PRKRIP1: variants seen among roughly 807,000 people sequenced by gnomAD.
PRKRIP1 encodes the protein PRKR interacting protein 1, also known as PRKR-interacting protein 1.
Under a neutral mutation model 29.3 loss-of-function variants are expected in PRKRIP1, and 29 were observed. That is an observed-to-expected ratio of 0.99 (90% CI 0.74 to 1.35). The LOEUF (loss-of-function observed/expected upper bound fraction) is 1.35, where lower values mean the gene tolerates loss of function less well. PRKRIP1 is among the 40% of genes most tolerant of loss of function. The probability of loss-of-function intolerance (pLI) is 0.00; values close to 1 mark genes in which losing one functional copy is unlikely to be tolerated. For missense variants in PRKRIP1, 247 were observed against 236.8 expected (o/e 1.04, Z -0.28); for synonymous variants, 90 against 85.1 (o/e 1.06, Z -0.32).
intron 5 of PRKRIP1, among the ~76,000 whole-genome samples, chr7:102,408,056 A>G (rs1017487537): frequency 1.1e-4 from 16 of 152,198 alleles, no homozygotes; most frequent in African/African-American, 3.6e-4. Context: ...GAAATCTGGT[A>G]GTAGGTGGCA....
intron 5 of PRKRIP1, among the ~76,000 whole-genome samples, chr7:102,414,628 A>G (rs564398378): frequency 6.6e-6 from 1 of 152,320 alleles, no homozygotes; most frequent in South Asian, 2.1e-4. Flanking sequence ...TTACACCTGT[A>G]ATCTCAGCAC....
chr7:102,406,737 G>A (rs947358225), intron 4 of PRKRIP1, among the ~76,000 whole-genome samples: 5 of 152,130 alleles, frequency 3.3e-5, no homozygotes, highest in African/African-American at 4.8e-5. Flanking sequence ...TGGGCCAAAT[G>A]CGTTGTTGAT....
At chr7:102,421,117 T>A (rs1301742060) in intron 5 of PRKRIP1, among the ~76,000 whole-genome samples, 1 of 151,960 alleles carries the variant, frequency 6.6e-6, no homozygotes, top group Non-Finnish European at 1.5e-5. Flanking sequence ...TGGGTAACAG[T>A]GATAAGAAAA....
At chr7:102,410,110 G>A (rs1192304677) in intron 5 of PRKRIP1, among the ~76,000 whole-genome samples, 1 of 152,094 alleles carries the variant, frequency 6.6e-6, no homozygotes, top group Non-Finnish European at 1.5e-5. Context: ...GTTGGAATGT[G>A]CCTCCAACCC....
chr7:102,412,251 A>G (rs1796407315), intron 5 of PRKRIP1, among the ~76,000 whole-genome samples: 1 of 152,228 alleles, frequency 6.6e-6, no homozygotes, highest in Non-Finnish European at 1.5e-5. Context: ...TGTTCTAAGG[A>G]TAACCATCAT....
chr7:102,419,641 A>G (rs1796638940), intron 5 of PRKRIP1, among the ~76,000 whole-genome samples: 1 of 152,126 alleles, frequency 6.6e-6, no homozygotes, highest in Non-Finnish European at 1.5e-5. Flanking sequence ...TAGAGTCGGA[A>G]TTAAATCGTA....
intron 3 of PRKRIP1, among the ~76,000 whole-genome samples, chr7:102,403,374 G>T (rs1554571419): frequency 6.6e-6 from 1 of 152,218 alleles, no homozygotes; most frequent in African/African-American, 2.4e-5. Flanking sequence ...ACCAGCAGAG[G>T]TGTTGAAGGC....
In PRKRIP1 at chr7:102,404,663, C is replaced by T. The variant is rs118139519; in HGVS notation, c.372C>T (p.Thr124=). The change falls in exon 4 of 6, where the codon ACC becomes ACT. Residue 124 remains threonine, a synonymous_variant. Transcript: ENST00000397912. Reference sequence around the variant, plus strand: ...ATAAAATTGCTGCAGAGGAGCAGACCGCAAAGCGCCGGAAGAAGCGGTAAG... The same window carrying T: ...ATAAAATTGCTGCAGAGGAGCAGACTGCAAAGCGCCGGAAGAAGCGGTAAG... ...EKNKIAAEEQ[T]AKRRKKRQKL... The T allele has an allele frequency of 2.9e-4, 460 of 1,613,618 alleles. 1 individual carries two copies. The East Asian group carries it at 9.4e-3, about 33-fold the overall frequency.
At chr7:102,409,823 CA>C (rs1335904564) in intron 5 of PRKRIP1, among the ~76,000 whole-genome samples, 1 of 151,504 alleles carries the variant, frequency 6.6e-6, no homozygotes, top group African/African-American at 2.4e-5. Flanking sequence ...GATTCTGTCT[CA>C]AAAAAATAAT....
rs1215978041 is a variant in PRKRIP1, at chr7:102,397,686, C to T, written c.193C>T (p.Arg65Ter). ...ACCTCGACCTCCCCCAGAATTTGTC[C>T]GAGATGTCATGGGTAATGGCTGTGT... is the stretch of plus-strand genomic sequence containing the variant. ...WAPRPPPEFVRDVMGSSAGAG... is the reference protein window; with the variant it reads ...WAPRPPPEFV Residue 65 changes from arginine to a stop codon, truncating the protein, a stop_gained, in exon 2 of 6, where the codon CGA becomes TGA. Coordinates refer to ENST00000397912, the MANE Select transcript of PRKRIP1 (RefSeq NM_024653.4). LOFTEE classifies it high-confidence loss of function. 9 of 1,610,222 alleles carry T rather than the reference C, an allele frequency of 5.6e-6. No homozygotes were observed. Among genetic ancestry groups the T allele is most frequent in the African/African-American group, 2.7e-5 (2 of 74,414 alleles).
chr7:102,406,087 C>T (rs1351424890), intron 4 of PRKRIP1, among the ~76,000 whole-genome samples: 7 of 152,260 alleles, frequency 4.6e-5, no homozygotes, highest in East Asian at 1.9e-4. Context: ...TTGTGTGACT[C>T]GTGGTCGGGC....
rs142981578 is a variant in PRKRIP1, at chr7:102,423,048, C to G, written c.458-1966C>G. 1.2e-4 allele frequency: 52 copies of G among 422,826 alleles called. 1 individual carries two copies. The East Asian group carries it at 3.7e-3, about 30-fold the overall frequency. The allele number at this position is 422,826 out of a possible 1,614,324, so 26.2% of individuals were successfully genotyped here. ...ATGCTTCCAGTCCTCCTCTGTTGCT[C>G]CCTTCCACAAACATCCAGCTCAACG... On this transcript the variant is annotated intron_variant, in intron 5 of 5. Coordinates refer to ENST00000397912, the MANE Select transcript of PRKRIP1 (RefSeq NM_024653.4).
chr7:102,414,450 A>G (rs1554572847), intron 5 of PRKRIP1, among the ~76,000 whole-genome samples: 2 of 152,136 alleles, frequency 1.3e-5, no homozygotes, highest in Non-Finnish European at 2.9e-5. Flanking sequence ...TTTTTTAGTG[A>G]CTGGTAATAT....
rs1796806532 is a variant in PRKRIP1, at chr7:102,425,398, G to A, written c.*287G>A. 4.2e-6 allele frequency: 2 copies of A among 475,642 alleles called. No individual in the cohort carries two copies. Among genetic ancestry groups the A allele is most frequent in the East Asian group, 9.5e-5 (2 of 20,960 alleles). 29.5% of individuals were successfully genotyped at this position (475,642 alleles called of 1,614,324 possible). On this transcript the variant is annotated 3_prime_UTR_variant, in exon 6 of 6. Transcript: ENST00000397912. ...CATATTTGAACAGTGATGAGTTTGGGGCTGGTTTCTGGGAAGGGAACGTTT... is the reference window on the plus strand; with the variant it reads ...CATATTTGAACAGTGATGAGTTTGGAGCTGGTTTCTGGGAAGGGAACGTTT...
At chr7:102,409,693 G>A (rs1171081900) in intron 5 of PRKRIP1, among the ~76,000 whole-genome samples, 1 of 151,920 alleles carries the variant, frequency 6.6e-6, no homozygotes, top group Non-Finnish European at 1.5e-5. Context: ...GTGTGGTGGT[G>A]CACGCCTGTC....
chr7:102,401,689 C>T lies in PRKRIP1; in HGVS notation c.306+2041C>T, dbSNP rs933257605. On this transcript the variant is annotated intron_variant, in intron 3 of 5. Coordinates refer to ENST00000397912, the MANE Select transcript of PRKRIP1 (RefSeq NM_024653.4). ...TGGAGGTTGCGGTGAGCTGAGATTGCGCCATTACACTCCAGCCTGGGCAAC... is the reference window on the plus strand; with the variant it reads ...TGGAGGTTGCGGTGAGCTGAGATTGTGCCATTACACTCCAGCCTGGGCAAC... 3.5e-4 allele frequency among the ~76,000 whole-genome samples: 53 copies of T among 151,558 alleles called. 1 individual carries two copies. The highest frequency in any genetic ancestry group is 3.0e-3 in the Admixed American group (45 of 15,196).
intron 5 of PRKRIP1, among the ~76,000 whole-genome samples, chr7:102,411,716 C>A (rs1260189765): frequency 6.6e-6 from 1 of 151,942 alleles, no homozygotes; most frequent in Non-Finnish European, 1.5e-5. Flanking sequence ...GTGTAATCAC[C>A]ATACTTTTCC....
intron 1 of PRKRIP1, 62 bp downstream of exon 1, chr7:102,396,599 C>T (rs1360585968): frequency 3.2e-5 from 49 of 1,548,054 alleles, no homozygotes; most frequent in Non-Finnish European, 4.3e-5. Flanking sequence ...TGCAGCGCTT[C>T]AGGGTTCCCG....
Position 102,425,580 on chromosome 7 carries a change from T to C in PRKRIP1, c.*469T>C, listed in dbSNP as rs1225072475. ...GGCTCAGTGAGGAGATGGCCTCAGC[T>C]GTGGGGCTGGTCCATGTTGCCCACT... On this transcript the variant is annotated 3_prime_UTR_variant, in exon 6 of 6. Transcript: ENST00000397912. 2.2e-5 allele frequency: 6 copies of C among 270,094 alleles called. No homozygotes were observed. The highest frequency in any genetic ancestry group is 4.7e-5 in the African/African-American group (2 of 42,198). The allele number at this position is 270,094 out of a possible 1,614,324, so 16.7% of individuals were successfully genotyped here.
Sources: allele counts gnomAD v4.1 joint callset (sites outside exome capture counted in the v4.1 genomes callset), GRCh38; gene constraint gnomAD v4.1.1; transcripts MANE v1.5; gene names NCBI Gene and HGNC (gene_info 2026-07-23, HGNC 2026-07-21).